The following TENM3 variants were observed in gnomAD, a reference collection of about 807,000 sequenced individuals.
TENM3 encodes the protein teneurin transmembrane protein 3.
TENM3 carries 63 observed loss-of-function variants against 255.1 expected under a neutral mutation model. That is an observed-to-expected ratio of 0.25 (90% CI 0.20 to 0.30). The LOEUF is 0.30. Among genes scored for constraint, TENM3 ranks in the 10% least tolerant of loss-of-function variants. The pLI is 1.00. For synonymous variants in TENM3, 1,306 were observed against 1,322.3 expected (o/e 0.99, Z 0.27); for missense variants, 2,929 against 3,461.1 (o/e 0.85, Z 3.86).
intron 4 of TENM3, among the ~76,000 whole-genome samples, chr4:182,624,517 G>A (rs1455035432): frequency 6.6e-6 from 1 of 152,144 alleles, no homozygotes; most frequent in African/African-American, 2.4e-5. Context: ...CACTCACGAA[G>A]CAGAAGGCAG....
At chr4:182,372,083 A>G (rs1766858988) in intron 3 of TENM3, among the ~76,000 whole-genome samples, 1 of 152,210 alleles carries the variant, frequency 6.6e-6, no homozygotes, top group Non-Finnish European at 1.5e-5. Context: ...TCTCATTAAC[A>G]AAAATAACTT....
intron 3 of TENM3, among the ~76,000 whole-genome samples, chr4:182,404,817 A>T (rs1394240418): frequency 2.0e-5 from 3 of 152,234 alleles, no homozygotes; most frequent in African/African-American, 4.8e-5. Flanking sequence ...ACAGCTCCTC[A>T]TCAAAGGAGC....
chr4:182,157,130 C>T (rs1296172752), intron 1 of TENM3, among the ~76,000 whole-genome samples: 1 of 152,208 alleles, frequency 6.6e-6, no homozygotes, highest in Non-Finnish European at 1.5e-5. Context: ...TGCCTTGAAA[C>T]TCTGAGACAC....
At chr4:181,867,066 A>G in the TENM3 span, among the ~76,000 whole-genome samples, 1 of 152,032 alleles carries the variant, frequency 6.6e-6, no homozygotes, top group Non-Finnish European at 1.5e-5. Context: ...CATTATTATA[A>G]TCCTCTGCTT....
chr4:182,780,212 C>T (rs535083718), intron 24 of TENM3, among the ~76,000 whole-genome samples: 345 of 150,924 alleles, frequency 2.3e-3, no homozygotes, highest in African/African-American at 7.9e-3. Context: ...GTCTTTAATC[C>T]ATCTTGAATT....
chr4:182,768,010 GTA>G (rs1763868877), intron 22 of TENM3, among the ~76,000 whole-genome samples: 1 of 152,188 alleles, frequency 6.6e-6, no homozygotes, highest in Non-Finnish European at 1.5e-5. Flanking sequence ...ATTGCCGCCA[GTA>G]TATACGTAAC....
At chr4:182,100,704 TATAC>T in the TENM3 span, among the ~76,000 whole-genome samples, 7 of 18,748 alleles carry the variant, frequency 3.7e-4, no homozygotes, top group African/African-American at 1.0e-3. Flanking sequence ...CACACATATA[TATAC>T]ACACATATAT....
intron 1 of TENM3, among the ~76,000 whole-genome samples, chr4:182,171,284 G>T (rs1752088486): frequency 6.6e-6 from 1 of 151,900 alleles, no homozygotes; most frequent in Non-Finnish European, 1.5e-5. Context: ...TATTTAATTA[G>T]TCTATGAGCC....
At chr4:182,026,129 C>T in the TENM3 span, among the ~76,000 whole-genome samples, 4 of 152,188 alleles carry the variant, frequency 2.6e-5, no homozygotes, top group Non-Finnish European at 5.9e-5. Context: ...CCAGCTTCAT[C>T]CATGTCCCTG....
chr4:181,749,898 G>A, the TENM3 span, among the ~76,000 whole-genome samples: 5 of 152,080 alleles, frequency 3.3e-5, no homozygotes, highest in South Asian at 2.1e-4. Context: ...CCACTTGCCC[G>A]AAATATGTCT....
At chr4:182,257,935 G>A (rs1430432517) in intron 1 of TENM3, among the ~76,000 whole-genome samples, 1 of 151,984 alleles carries the variant, frequency 6.6e-6, no homozygotes, top group African/African-American at 2.4e-5. Context: ...AAATCTTATT[G>A]CTAACTATTT....
intron 6 of TENM3, among the ~76,000 whole-genome samples, chr4:182,671,819 G>A (rs932574147): frequency 5.9e-5 from 9 of 152,100 alleles, no homozygotes; most frequent in South Asian, 2.1e-4. Flanking sequence ...CTTCCTCTGC[G>A]TTTTGAATTA....
At chr4:182,310,631 G>T (rs1762384860) in intron 1 of TENM3, among the ~76,000 whole-genome samples, 1 of 151,068 alleles carries the variant, frequency 6.6e-6, no homozygotes, top group African/African-American at 2.4e-5. Flanking sequence ...ACTGGGGTCT[G>T]TTCCACCCCA....
At chr4:182,401,821 A>G (rs1443469102) in intron 3 of TENM3, among the ~76,000 whole-genome samples, 2 of 152,198 alleles carry the variant, frequency 1.3e-5, no homozygotes, top group African/African-American at 4.8e-5. Context: ...TACACTTTCT[A>G]TTCCCTTTAT....
chr4:182,081,970 T>C, the TENM3 span: 2 of 152,364 alleles, frequency 1.3e-5, no homozygotes, highest in African/African-American at 4.8e-5. Context: ...AGTCATTTTA[T>C]TGGAACTAAA....
intron 3 of TENM3, among the ~76,000 whole-genome samples, chr4:182,381,387 A>G (rs1043782898): frequency 1.3e-5 from 2 of 152,306 alleles, no homozygotes; most frequent in Non-Finnish European, 1.5e-5. Context: ...GATGGTTTCG[A>G]TACTGGGATG....
rs896344284 is a variant in TENM3, at chr4:182,754,323, C to G, written c.4018-62C>G. On this transcript the variant is annotated intron_variant, in intron 21 of 27. Transcript: ENST00000511685. This position sits in a 1 kb window ranked among gnomAD's most constrained non-coding sequence, Gnocchi z 5.1. The stretch of plus-strand genomic sequence containing the variant: ...ATTTCCCTGAATGGTCTAATTTACT[C>G]TTCTGGCGAATTAACTGTAGTGCAG... 3 of 1,459,306 alleles carry G rather than the reference C, an allele frequency of 2.1e-6. No homozygotes were observed. The highest frequency in any genetic ancestry group is 2.7e-6 in the Non-Finnish European group (3 of 1,093,308). The allele number at this position is 1,459,306 out of a possible 1,614,324, so 90.4% of individuals were successfully genotyped here.
At chr4:182,380,267 A>G (rs111624571) in intron 3 of TENM3, among the ~76,000 whole-genome samples, 152 of 134,124 alleles carry the variant, frequency 1.1e-3, no homozygotes, top group African/African-American at 4.2e-3. Flanking sequence ...GTGAAACTCC[A>G]TCTCAAAAAA....
chr4:181,790,434 A>C, the TENM3 span, among the ~76,000 whole-genome samples: 1 of 152,194 alleles, frequency 6.6e-6, no homozygotes, highest in South Asian at 2.1e-4. Flanking sequence ...AACTCTAACA[A>C]CAATTAATTG....
Sources: gnomAD v4.1 joint callset for allele counts (sites outside exome capture counted in the v4.1 genomes callset) on GRCh38, gnomAD v4.1.1 for gene constraint, Gnocchi (gnomAD v3.1) non-coding constraint, MANE v1.5 for transcripts, NCBI Gene and HGNC (gene_info 2026-07-23, HGNC 2026-07-21) for gene names.